The following PAFAH1B2 variants were observed in gnomAD, a reference collection of about 807,000 sequenced individuals.
PAFAH1B2 encodes the protein platelet-activating factor acetylhydrolase IB subunit alpha2.
Under a neutral mutation model 28.0 loss-of-function variants are expected in PAFAH1B2, and 8 were observed. The observed-to-expected ratio is 0.29, with a 90% CI of 0.17 to 0.52. PAFAH1B2 has a LOEUF of 0.52. Among genes scored for constraint, PAFAH1B2 ranks in the 20% least tolerant of loss-of-function variants. The probability of loss-of-function intolerance (pLI) is 0.97; values close to 1 mark genes in which losing one functional copy is unlikely to be tolerated. For missense variants in PAFAH1B2, 190 were observed against 282.6 expected (o/e 0.67, Z 2.35); for synonymous variants, 104 against 103.2 (o/e 1.01, Z -0.05).
exon 6 of PAFAH1B2, chr11:117,176,335 A>T (rs539340562): frequency 7.0e-6 from 2 of 286,644 alleles, no homozygotes; most frequent in Non-Finnish European, 6.5e-6. Flanking sequence ...GCCCAGCATA[A>T]CTACAACAGT....
intron 1 of PAFAH1B2, among the ~76,000 whole-genome samples, chr11:117,149,170 A>G (rs908799557): frequency 1.2e-4 from 18 of 150,554 alleles, no homozygotes; most frequent in Admixed American, 4.0e-4. Context: ...GGCGTGAGCC[A>G]CTGCGCCCAG....
At chr11:117,155,368 C>A (rs191005947) in intron 2 of PAFAH1B2, among the ~76,000 whole-genome samples, 1 of 152,000 alleles carries the variant, frequency 6.6e-6, no homozygotes, top group Non-Finnish European at 1.5e-5. Context: ...GGAAAATAAA[C>A]GCAGTAAATA....
In PAFAH1B2 at chr11:117,170,665, T is replaced by G. The variant is rs1420087655; in HGVS notation, c.*2966T>G. The G allele has an allele frequency of 2.8e-6, 3 of 1,061,442 alleles. No homozygotes were observed. The highest frequency in any genetic ancestry group is 3.4e-6 in the Non-Finnish European group (3 of 876,796). The allele number at this position is 1,061,442 out of a possible 1,614,324, so 65.8% of individuals were successfully genotyped here. A position where few individuals can be genotyped will look rare whatever the true frequency, so the allele number is the denominator to read the frequency against. On this transcript the variant is annotated 3_prime_UTR_variant, in exon 6 of 6. Transcript: ENST00000527958. ...AAAAAAAAGTCCAACTTACTTTATT[T>G]TATTTTTTTAACCTAGTCACTGTTT...
At chr11:117,162,447 A>AT (rs11463525) in intron 4 of PAFAH1B2, among the ~76,000 whole-genome samples, 108,940 of 143,198 alleles carry the variant, frequency 0.76, 41,804 homozygotes, top group Non-Finnish European at 0.81. Context: ...CGAGACTGTG[A>AT]TTTTTTTTTT....
intron 2 of PAFAH1B2, among the ~76,000 whole-genome samples, chr11:117,157,788 T>G (rs1478093231): frequency 6.6e-6 from 1 of 152,180 alleles, no homozygotes; most frequent in Non-Finnish European, 1.5e-5. Flanking sequence ...GGCCTTTTCC[T>G]AGACCTACAT....
downstream of PAFAH1B2, among the ~76,000 whole-genome samples, chr11:117,172,398 A>AT (rs1956689639): frequency 3.5e-4 from 1 of 2,824 alleles, no homozygotes; most frequent in African/African-American, 9.7e-4. Flanking sequence ...ATATATATAT[A>AT]TATATATTTT....
chr11:117,172,380 ATATATATATATATATATATATATATTTT>A (rs1415759390), downstream of PAFAH1B2, among the ~76,000 whole-genome samples: 3 of 5,084 alleles, frequency 5.9e-4, no homozygotes, highest in South Asian at 0.015. Context: ...ATATATATAT[ATATATATATATATATATATATATATTTT>A]TTTTTTTTTT....
intron 1 of PAFAH1B2, among the ~76,000 whole-genome samples, chr11:117,145,567 T>C (rs976753609): frequency 2.6e-5 from 4 of 152,214 alleles, no homozygotes; most frequent in African/African-American, 9.6e-5. Context: ...AAAGGTTGCC[T>C]CCTTGTGGGG....
intron 5 of PAFAH1B2, 52 bp from the exon 6 acceptor site, chr11:117,167,369 G>A: frequency 1.3e-6 from 2 of 1,483,152 alleles, no homozygotes; most frequent in East Asian, 2.3e-5. Context: ...TAAATAATAA[G>A]TAGAGAAAAA....
intron 2 of PAFAH1B2, among the ~76,000 whole-genome samples, chr11:117,156,965 TG>T (rs1956267916): frequency 6.7e-6 from 1 of 150,082 alleles, no homozygotes; most frequent in Admixed American, 6.7e-5. Context: ...TGCAGTGAGC[TG>T]CCCCTCATAG....
chr11:117,158,920 C>G (rs1173968280), intron 2 of PAFAH1B2, among the ~76,000 whole-genome samples: 1 of 152,160 alleles, frequency 6.6e-6, no homozygotes, highest in Non-Finnish European at 1.5e-5. Context: ...GCTGGGATTA[C>G]CGGCGTGAGC....
At chr11:117,158,896 T>C (rs975371273) in intron 2 of PAFAH1B2, among the ~76,000 whole-genome samples, 1 of 152,172 alleles carries the variant, frequency 6.6e-6, no homozygotes, top group African/African-American at 2.4e-5. Context: ...CTGCCCACCC[T>C]GGCCTCCCAA....
chr11:117,147,962 G>A (rs1956052580), intron 1 of PAFAH1B2, among the ~76,000 whole-genome samples: 1 of 151,988 alleles, frequency 6.6e-6, no homozygotes, highest in African/African-American at 2.4e-5. Flanking sequence ...TTTTGCTCAG[G>A]GTATCAGAAT....
rs1309995402 is a variant in PAFAH1B2, at chr11:117,167,943, T to G, written c.*244T>G. On this transcript the variant is annotated 3_prime_UTR_variant, in exon 6 of 6. Coordinates refer to ENST00000527958, the MANE Select transcript of PAFAH1B2 (RefSeq NM_002572.4). The stretch of plus-strand genomic sequence containing the variant: ...ATTCATTTGAAACCAGAAGGGGACT[T>G]TTTAGTTGTATGTGTAACACATTCA... 8.8e-7 allele frequency: 1 copy of G among 1,137,126 alleles called. No individual in the cohort carries two copies. The highest frequency in any genetic ancestry group is 1.6e-5 in the African/African-American group (1 of 62,798). 70.4% of individuals were successfully genotyped at this position (1,137,126 alleles called of 1,614,324 possible).
chr11:117,173,334 T>C (rs139247475), downstream of PAFAH1B2, among the ~76,000 whole-genome samples: 10 of 152,296 alleles, frequency 6.6e-5, no homozygotes, highest in East Asian at 1.9e-3. Context: ...CTCGTTTGTC[T>C]CTCTTCCTGT....
At position 117,169,350 on chromosome 11, in the gene PAFAH1B2, C is replaced by G; in HGVS notation, c.*1651C>G. The G allele has an allele frequency of 9.5e-7, 1 of 1,049,900 alleles. No homozygotes were observed. The highest frequency in any genetic ancestry group is 1.1e-6 in the Non-Finnish European group (1 of 869,710). 65.0% of individuals were successfully genotyped at this position (1,049,900 alleles called of 1,614,324 possible). A position where few individuals can be genotyped will look rare whatever the true frequency, so the allele number is the denominator to read the frequency against. ...TATCAGTATACCTGTGGAATATGTA[C>G]AAACTGGATCTATAGATATTTTGAA... On this transcript the variant is annotated 3_prime_UTR_variant, in exon 6 of 6. Coordinates refer to ENST00000527958, the MANE Select transcript of PAFAH1B2 (RefSeq NM_002572.4).
At chr11:117,155,072 C>T (rs1337167961) in intron 2 of PAFAH1B2, among the ~76,000 whole-genome samples, 1 of 152,148 alleles carries the variant, frequency 6.6e-6, no homozygotes, top group Non-Finnish European at 1.5e-5. Flanking sequence ...GCAACTTCTA[C>T]CTCCTGAATA....
chr11:117,153,884 A>G (rs1956207866), intron 2 of PAFAH1B2, among the ~76,000 whole-genome samples: 1 of 151,466 alleles, frequency 6.6e-6, no homozygotes, highest in South Asian at 2.1e-4. Flanking sequence ...TAATCCAAAG[A>G]CCATATTCAG....
At chr11:117,148,045 C>CTTTTTTTTTTTT (rs1046335152) in intron 1 of PAFAH1B2, among the ~76,000 whole-genome samples, 1 of 136,836 alleles carries the variant, frequency 7.3e-6, no homozygotes. Flanking sequence ...TATCTTTTTT[C>CTTTTTTTTTTTT]TTTTTTTTTT....
Sources: allele counts gnomAD v4.1 joint callset (sites outside exome capture counted in the v4.1 genomes callset), GRCh38; gene constraint gnomAD v4.1.1; transcripts MANE v1.5; gene names NCBI Gene and HGNC (gene_info 2026-07-23, HGNC 2026-07-21).